The following SYT1 variants were observed in gnomAD, a reference collection of about 807,000 sequenced individuals.
SYT1 encodes the protein synaptotagmin-1.
In SYT1, 8 loss-of-function variants were observed where a neutral mutation model predicts 44.8. That is an observed-to-expected ratio of 0.18 (90% CI 0.10 to 0.32). The LOEUF (loss-of-function observed/expected upper bound fraction) is 0.32. Ranked by LOEUF, SYT1 falls within the 10% of genes least tolerant of loss-of-function variation. SYT1 has a pLI of 1.00. For synonymous variants in SYT1, 154 were observed against 188.8 expected (o/e 0.82, Z 1.51); for missense variants, 286 against 509.3 (o/e 0.56, Z 4.22).
chr12:78,875,280 G>A (rs1874007001), intron 1 of SYT1, among the ~76,000 whole-genome samples: 1 of 151,688 alleles, frequency 6.6e-6, no homozygotes, highest in Admixed American at 6.6e-5. Flanking sequence ...TTTGGATGCT[G>A]GGGATACAGA....
At chr12:79,318,239 T>C (rs1048872069) in intron 8 of SYT1, among the ~76,000 whole-genome samples, 4 of 152,216 alleles carry the variant, frequency 2.6e-5, no homozygotes, top group Non-Finnish European at 4.4e-5. Context: ...TAAGGAGTTG[T>C]GCCTCCGGAG....
rs1565789433 is a variant in SYT1 at position 79,064,972 on chromosome 12, GAAA to G, written c.-18+17611_-18+17613del. Among the ~76,000 whole-genome samples, 496 of 148,334 alleles carry G rather than the reference GAAA, an allele frequency of 3.3e-3. 3 individuals are homozygous for G. Among genetic ancestry groups the G allele is most frequent in the African/African-American group, 0.012 (466 of 39,674 alleles). The stretch of plus-strand genomic sequence containing the variant: ...AGAAAGAAAGAAAGAAAGAAAGAAA[GAAA>G]GAAAGAAAGAAAGAAAGAAAGAAAA... On this transcript the variant is annotated intron_variant, in intron 3 of 10. Coordinates refer to ENST00000261205, the MANE Select transcript of SYT1 (RefSeq NM_005639.3).
intron 4 of SYT1, among the ~76,000 whole-genome samples, chr12:79,219,919 G>C (rs1196285216): frequency 6.6e-6 from 1 of 151,918 alleles, no homozygotes. Flanking sequence ...TCTTTGTCTG[G>C]CATTTCTATC....
At chr12:78,883,128 G>A (rs1472937230) in intron 1 of SYT1, among the ~76,000 whole-genome samples, 1 of 151,622 alleles carries the variant, frequency 6.6e-6, no homozygotes, top group African/African-American at 2.4e-5. Context: ...GTGTATTTCT[G>A]TAATTTCTTC....
intron 3 of SYT1, among the ~76,000 whole-genome samples, chr12:79,162,829 T>A (rs2138314460): frequency 6.6e-6 from 1 of 151,974 alleles, no homozygotes; most frequent in South Asian, 2.1e-4. Flanking sequence ...TAGAGTTGAA[T>A]AAACTTTATT....
chr12:78,892,992 A>G (rs920162593), intron 1 of SYT1, among the ~76,000 whole-genome samples: 1 of 152,010 alleles, frequency 6.6e-6, no homozygotes, highest in East Asian at 1.9e-4. Flanking sequence ...ACTCCTAACT[A>G]AATTGCCCAA....
intron 5 of SYT1, among the ~76,000 whole-genome samples, chr12:79,289,523 T>C (rs1004012287): frequency 6.6e-6 from 1 of 152,192 alleles, no homozygotes; most frequent in African/African-American, 2.4e-5. Context: ...ATTGCAGAGA[T>C]GGTCCTGCCT....
intron 3 of SYT1, among the ~76,000 whole-genome samples, chr12:79,201,917 A>G (rs1462441991): frequency 6.6e-6 from 1 of 152,178 alleles, no homozygotes. Context: ...ATGTCATAAT[A>G]TCAAATTATT....
chr12:78,982,812 AATCT>A (rs779795956), intron 2 of SYT1, among the ~76,000 whole-genome samples: 46 of 152,146 alleles, frequency 3.0e-4, no homozygotes, highest in Admixed American at 1.6e-3. Flanking sequence ...GTTTCCAATC[AATCT>A]ATTTTTATCT....
chr12:79,158,684 G>A (rs1246592089), intron 3 of SYT1, among the ~76,000 whole-genome samples: 1 of 152,080 alleles, frequency 6.6e-6, no homozygotes, highest in Admixed American at 6.6e-5. Context: ...GATCGCTTGA[G>A]CTCAGGAGTT....
rs182178294 is a variant in SYT1, at chr12:79,393,271, G to T, written c.928+39652G>T. 8.5e-5 allele frequency: 13 copies of T among 152,314 alleles called. No individual in the cohort carries two copies. The East Asian group carries it at 1.2e-3, about 14-fold the overall frequency. 9.4% of individuals were successfully genotyped at this position (152,314 alleles called of 1,614,324 possible). ...ATAGTGCCAAAATAAACATACGTGT[G>T]CATGTGTCTTTGTAGTAGTGTGACT... On this transcript the variant is annotated intron_variant, in intron 9 of 10. Coordinates refer to ENST00000261205, the MANE Select transcript of SYT1 (RefSeq NM_005639.3).
intron 2 of SYT1, among the ~76,000 whole-genome samples, chr12:78,980,353 C>T (rs997580296): frequency 2.7e-4 from 41 of 152,048 alleles, no homozygotes; most frequent in Non-Finnish European, 8.8e-5. Flanking sequence ...GAGACAAGGT[C>T]TAAAAAGGGA....
intron 1 of SYT1, among the ~76,000 whole-genome samples, chr12:78,892,844 T>C (rs896419407): frequency 1.3e-5 from 2 of 151,778 alleles, no homozygotes; most frequent in Non-Finnish European, 2.9e-5. Flanking sequence ...ACAATATTGT[T>C]GAAATAACTA....
intron 4 of SYT1, among the ~76,000 whole-genome samples, chr12:79,224,652 A>AT (rs1347471937): frequency 6.6e-6 from 1 of 151,980 alleles, no homozygotes; most frequent in African/African-American, 2.4e-5. Flanking sequence ...AAGAACTTAG[A>AT]TTTTACACTG....
chr12:79,040,627 A>G (rs1873485643), intron 2 of SYT1, among the ~76,000 whole-genome samples: 1 of 151,676 alleles, frequency 6.6e-6, no homozygotes, highest in African/African-American at 2.4e-5. Context: ...CTTTAGTTTA[A>G]TTAGATCCCA....
chr12:79,398,336 T>C (rs534100141), intron 9 of SYT1, among the ~76,000 whole-genome samples: 1 of 152,366 alleles, frequency 6.6e-6, no homozygotes, highest in African/African-American at 2.4e-5. Context: ...ACTTGGCTTT[T>C]AAATACTGTC....
intron 1 of SYT1, among the ~76,000 whole-genome samples, chr12:78,873,885 G>A (rs898448703): frequency 2.6e-5 from 4 of 151,564 alleles, no homozygotes; most frequent in Admixed American, 1.3e-4. Context: ...ACACATTTGC[G>A]AGCAATAGCT....
intron 2 of SYT1, among the ~76,000 whole-genome samples, chr12:78,986,169 C>T (rs1020889252): frequency 1.4e-4 from 21 of 151,962 alleles, no homozygotes; most frequent in African/African-American, 4.3e-4. Flanking sequence ...AAAGAAATGT[C>T]GCTGGTGAAT....
chr12:79,314,168 CAAAAA>C (rs34951756), intron 8 of SYT1, among the ~76,000 whole-genome samples: 1 of 67,298 alleles, frequency 1.5e-5, no homozygotes, highest in African/African-American at 6.3e-5. Flanking sequence ...GACTCCGTCT[CAAAAA>C]AAAAAAAAAA....
Sources: gnomAD v4.1 joint callset for allele counts (sites outside exome capture counted in the v4.1 genomes callset) on GRCh38, gnomAD v4.1.1 for gene constraint, MANE v1.5 for transcripts, NCBI Gene and HGNC (gene_info 2026-07-23, HGNC 2026-07-21) for gene names.